The following DSE variants were observed in gnomAD, a reference collection of about 807,000 sequenced individuals.
DSE encodes the protein dermatan-sulfate epimerase.
A neutral mutation model predicts 84.4 loss-of-function variants in DSE; 36 were observed. The ratio of observed to expected loss-of-function variants is 0.43; its 90% CI spans 0.33 to 0.56. The LOEUF (loss-of-function observed/expected upper bound fraction) is 0.56. Ranked by LOEUF, DSE falls within the 20% of genes least tolerant of loss-of-function variation. DSE has a pLI of 0.06. For missense variants in DSE, 862 were observed against 1,169.6 expected (o/e 0.74, Z 3.84); for synonymous variants, 410 against 430.1 (o/e 0.95, Z 0.58).
At chr6:116,371,536 C>T (rs1015742876) in intron 1 of DSE, among the ~76,000 whole-genome samples, 4 of 152,224 alleles carry the variant, frequency 2.6e-5, no homozygotes, top group Admixed American at 6.5e-5. Flanking sequence ...ACCCTCGCGT[C>T]CTCCTTTCCC....
At chr6:116,265,076 C>A (rs1486356626) in intron 2 of DSE, among the ~76,000 whole-genome samples, 1 of 152,164 alleles carries the variant, frequency 6.6e-6, no homozygotes, top group Non-Finnish European at 1.5e-5. Flanking sequence ...GTGGTAGTAA[C>A]AGCTGCAGCA....
At chr6:116,426,085 A>G (rs1271912890) in intron 2 of DSE, among the ~76,000 whole-genome samples, 1 of 152,166 alleles carries the variant, frequency 6.6e-6, no homozygotes, top group Non-Finnish European at 1.5e-5. Flanking sequence ...GAGATCATGG[A>G]TTATGGACCA....
chr6:116,366,030 A>T (rs920799044), upstream of DSE: 1 of 152,202 alleles, frequency 6.6e-6, no homozygotes, highest in African/African-American at 2.4e-5. Flanking sequence ...CCCTAGAACC[A>T]TTCTAAGTTA....
intron 2 of DSE, among the ~76,000 whole-genome samples, chr6:116,316,946 A>C (rs930260300): frequency 6.6e-6 from 1 of 152,100 alleles, no homozygotes; most frequent in East Asian, 1.9e-4. Flanking sequence ...GGATTATCCA[A>C]GAAGCAGATG....
chr6:116,254,224 C>T lies in DSE; in HGVS notation c.-647C>T, dbSNP rs145591418. The T allele has an allele frequency of 7.9e-4, 560 of 711,236 alleles. 2 individuals are homozygous for T. In the African/African-American group the frequency reaches 8.3e-3, roughly 11 times the overall value. The allele number at this position is 711,236 out of a possible 1,614,324, so 44.1% of individuals were successfully genotyped here. A position where few individuals can be genotyped will look rare whatever the true frequency, so the allele number is the denominator to read the frequency against. On this transcript the variant is annotated 5_prime_UTR_variant, in exon 1 of 4. Transcript: ENST00000430252. ...CCATCGTATTCCTTTGTCTTCTTGT[C>T]ACAAAAAGAATTTCGTCAGTCTGGA...
intron 2 of DSE, among the ~76,000 whole-genome samples, chr6:116,422,110 C>T (rs1451470277): frequency 6.6e-6 from 1 of 152,278 alleles, no homozygotes; most frequent in South Asian, 2.1e-4. Context: ...GCTGTCTTAT[C>T]GGTGCATGGT....
rs1271185009 is a variant in DSE, at chr6:116,437,259, G to A, written c.2791G>A (p.Gly931Ser). Reference protein sequence around the residue: ...TYFQRAQSLHGQRCLYAVLLI... With the variant: ...TYFQRAQSLHSQRCLYAVLLI... ...TTTCCAGAGGGCCCAGAGCCTACAT[G>A]GCCAAAGATGTCTTTATGCAGTTCT... Residue 931 changes from glycine (G) to serine (S), a missense_variant, in exon 6 of 6, where the codon GGC (glycine) becomes AGC (serine). By Grantham distance (56) the Gly-to-Ser change is moderately conservative (BLOSUM62 0). Coordinates refer to ENST00000644252, the MANE Select transcript of DSE (RefSeq NM_013352.4). The A allele has an allele frequency of 6.2e-7, 1 of 1,614,034 alleles. No individual in the cohort carries two copies. The highest frequency in any genetic ancestry group is 1.7e-5 in the Admixed American group (1 of 59,992).
At chr6:116,279,567 AC>A in intron 2 of DSE, 3 of 1,601,712 alleles carry the variant, frequency 1.9e-6, no homozygotes, top group Non-Finnish European at 1.7e-6. Flanking sequence ...CATGACCGCG[AC>A]CCCCAACAAC....
intron 2 of DSE, among the ~76,000 whole-genome samples, chr6:116,274,245 A>G (rs933098658): frequency 6.6e-6 from 1 of 152,122 alleles, no homozygotes. Context: ...TTTTCTGAAC[A>G]TCATGTACAT....
intron 2 of DSE, among the ~76,000 whole-genome samples, chr6:116,304,776 C>T (rs915068824): frequency 5.9e-5 from 9 of 152,220 alleles, no homozygotes; most frequent in Non-Finnish European, 1.3e-4. Context: ...AGAGTCCCCC[C>T]AGCCCTCATC....
At chr6:116,348,030 C>T (rs1006925426) in intron 2 of DSE, among the ~76,000 whole-genome samples, 24 of 152,136 alleles carry the variant, frequency 1.6e-4, no homozygotes, top group African/African-American at 3.9e-4. Context: ...TTGCACCCAA[C>T]GGACACATTA....
chr6:116,280,433 G>A (rs1000431105), intron 2 of DSE, among the ~76,000 whole-genome samples: 10 of 152,200 alleles, frequency 6.6e-5, no homozygotes, highest in African/African-American at 2.4e-4. Context: ...CTAAAGCGAT[G>A]CATAGTATTC....
chr6:116,269,378 A>G (rs1367751880), intron 2 of DSE, among the ~76,000 whole-genome samples: 1 of 152,224 alleles, frequency 6.6e-6, no homozygotes, highest in Non-Finnish European at 1.5e-5. Context: ...TATGCTAAGA[A>G]TTACATTAAA....
chr6:116,370,793 G>C, upstream of DSE: 1 of 978,886 alleles, frequency 1.0e-6, no homozygotes, highest in Non-Finnish European at 1.2e-6. Flanking sequence ...TCGGCCGGGG[G>C]AGGGGGTCCC....
intron 2 of DSE, among the ~76,000 whole-genome samples, chr6:116,336,302 G>A (rs1777246845): frequency 6.6e-6 from 1 of 152,174 alleles, no homozygotes; most frequent in Non-Finnish European, 1.5e-5. Context: ...GCTAGATAAT[G>A]TGATACAGTT....
At chr6:116,426,274 A>G (rs534695937) in intron 2 of DSE, among the ~76,000 whole-genome samples, 4 of 152,214 alleles carry the variant, frequency 2.6e-5, no homozygotes, top group African/African-American at 4.8e-5. Context: ...CACATGTTCT[A>G]TGCTTCAGAT....
intron 2 of DSE, among the ~76,000 whole-genome samples, chr6:116,316,373 C>A (rs1289173913): frequency 6.6e-6 from 1 of 151,986 alleles, no homozygotes; most frequent in African/African-American, 2.4e-5. Flanking sequence ...TATCTACAGA[C>A]CTTACTATAG....
At chr6:116,425,039 A>G (rs1407291270) in intron 2 of DSE, among the ~76,000 whole-genome samples, 1 of 152,242 alleles carries the variant, frequency 6.6e-6, no homozygotes, top group Non-Finnish European at 1.5e-5. Flanking sequence ...ACAGGTAGGT[A>G]TCACAGATAT....
intron 2 of DSE, among the ~76,000 whole-genome samples, chr6:116,303,416 A>G (rs1000793387): frequency 6.6e-6 from 1 of 152,200 alleles, no homozygotes; most frequent in Non-Finnish European, 1.5e-5. Context: ...TGTAAGCTCA[A>G]TGATGACACT....
Sources: gnomAD v4.1 joint callset for allele counts (sites outside exome capture counted in the v4.1 genomes callset) on GRCh38, gnomAD v4.1.1 for gene constraint, MANE v1.5 for transcripts, NCBI Gene and HGNC (gene_info 2026-07-23, HGNC 2026-07-21) for gene names.